The following ASF1A variants were observed in gnomAD, a reference collection of about 807,000 sequenced individuals.
ASF1A encodes the protein histone chaperone ASF1A.
In ASF1A, 5 loss-of-function variants were observed where a neutral mutation model predicts 22.0. That is an observed-to-expected ratio of 0.23 (90% CI 0.12 to 0.48). The LOEUF (loss-of-function observed/expected upper bound fraction) is 0.48. ASF1A is among the 20% of genes least tolerant of loss of function. The pLI, the probability that ASF1A is intolerant of heterozygous loss-of-function variation, is 0.99. For missense variants in ASF1A, 137 were observed against 240.6 expected, an observed-to-expected ratio of 0.57 and a Z score of 2.85; for synonymous variants, 97 against 86.7, an observed-to-expected ratio of 1.12 and a Z score of -0.66.
rs1423145454 is a variant in ASF1A, at chr6:118,908,268, G to A, written c.*654G>A. 6.6e-6 allele frequency: 1 copy of A among 152,028 alleles called. No homozygotes were observed. The highest frequency in any genetic ancestry group is 1.5e-5 in the Non-Finnish European group (1 of 67,958). The allele number at this position is 152,028 out of a possible 1,614,324, so 9.4% of individuals were successfully genotyped here. A position where few individuals can be genotyped will look rare whatever the true frequency, so the allele number is the denominator to read the frequency against. On this transcript the variant is annotated 3_prime_UTR_variant, in exon 4 of 4. Coordinates refer to ENST00000229595, the MANE Select transcript of ASF1A (RefSeq NM_014034.3). The stretch of plus-strand genomic sequence containing the variant: ...ATAAGGTCCCCTGGCTATGGTTTTT[G>A]TTCTTATAACAGAGTTTAGAATATC...
intron 1 of ASF1A, among the ~76,000 whole-genome samples, chr6:118,895,089 C>T (rs1583576687): frequency 6.6e-6 from 1 of 152,162 alleles, no homozygotes; most frequent in South Asian, 2.1e-4. Context: ...ACTCTCCGGG[C>T]TGGCCATGCC....
Position 118,907,443 on chromosome 6 carries a change from A to G in ASF1A, c.444A>G (p.Arg148=), listed in dbSNP as rs776191240. ...NILASNPRVT[R]FHINWEDNTE... is the part of the protein sequence containing the mutation. Reference sequence around the variant, plus strand: ...TGGCATCTAATCCCAGGGTCACAAGATTCCACATTAATTGGGAAGATAACA... The same window carrying G: ...TGGCATCTAATCCCAGGGTCACAAGGTTCCACATTAATTGGGAAGATAACA... The change falls in exon 4 of 4, where the codon AGA becomes AGG. Residue 148 remains arginine (R), a synonymous_variant. Coordinates refer to ENST00000229595, the MANE Select transcript of ASF1A (RefSeq NM_014034.3). The G allele has an allele frequency of 5.6e-6, 9 of 1,611,334 alleles. No homozygotes were observed. In the East Asian group the frequency reaches 6.7e-5, roughly 12 times the overall value.
At chr6:118,902,530 T>C (rs1779873379) in intron 2 of ASF1A, among the ~76,000 whole-genome samples, 1 of 143,330 alleles carries the variant, frequency 7.0e-6, no homozygotes, top group Non-Finnish European at 1.5e-5. Context: ...TGATAATACT[T>C]TTTTTTTTTT....
chr6:118,898,773 C>G (rs75661965), intron 1 of ASF1A, among the ~76,000 whole-genome samples: 8,718 of 152,250 alleles, frequency 0.057, 361 homozygotes, highest in East Asian at 0.19. Flanking sequence ...GTACCTTTCA[C>G]ATCACTTTCT....
At chr6:118,897,805 G>A (rs762651761) in intron 1 of ASF1A, among the ~76,000 whole-genome samples, 1 of 151,664 alleles carries the variant, frequency 6.6e-6, no homozygotes, top group South Asian at 2.1e-4. Context: ...AGGGGGCAGA[G>A]GAATTAAATG....
In ASF1A at chr6:118,894,341, C is replaced by A; in HGVS notation, c.-73C>A. The A allele has an allele frequency of 2.0e-6, 3 of 1,531,040 alleles. No individual in the cohort carries two copies. The highest frequency in any genetic ancestry group is 2.6e-6 in the Non-Finnish European group (3 of 1,142,466). The allele number at this position is 1,531,040 out of a possible 1,614,324, so 94.8% of individuals were successfully genotyped here. On this transcript the variant is annotated 5_prime_UTR_variant, in exon 1 of 4. Transcript: ENST00000229595. ...GCTGGAGCGGGGGTCTGCGCTCTCC[C>A]GAGCGGCCGCGCGCTGGACTTTATT...
chr6:118,895,375 A>G (rs1341938916), intron 1 of ASF1A, among the ~76,000 whole-genome samples: 1 of 152,202 alleles, frequency 6.6e-6, no homozygotes, highest in Non-Finnish European at 1.5e-5. Flanking sequence ...TGAGGTAGGA[A>G]GTTACATTTA....
At chr6:118,902,499 G>A (rs941202794) in intron 2 of ASF1A, among the ~76,000 whole-genome samples, 5 of 147,226 alleles carry the variant, frequency 3.4e-5, no homozygotes, top group African/African-American at 1.2e-4. Flanking sequence ...TACAGTAAAA[G>A]AAACCTGGGT....
Position 118,907,253 on chromosome 6 carries a change from A to G in ASF1A, c.403-149A>G, listed in dbSNP as rs558504247. 1.0e-4 allele frequency: 61 copies of G among 606,936 alleles called. No individual in the cohort carries two copies. In the African/African-American group the frequency reaches 1.1e-3, roughly 11 times the overall value. 37.6% of individuals were successfully genotyped at this position (606,936 alleles called of 1,614,324 possible). On this transcript the variant is annotated intron_variant, in intron 3 of 3. Coordinates refer to ENST00000229595, the MANE Select transcript of ASF1A (RefSeq NM_014034.3). ...CTAGTCGTTACATCTTATTAGTTATATTTAAGGTACTTAACTTGAATTATA... is the reference window on the plus strand; with the variant it reads ...CTAGTCGTTACATCTTATTAGTTATGTTTAAGGTACTTAACTTGAATTATA...
chr6:118,894,395 T>C lies in ASF1A; in HGVS notation c.-19T>C. The C allele has an allele frequency of 1.3e-6, 2 of 1,536,502 alleles. No homozygotes were observed. Among genetic ancestry groups the C allele is most frequent in the Non-Finnish European group, 1.7e-6 (2 of 1,146,532 alleles). On this transcript the variant is annotated 5_prime_UTR_variant, in exon 1 of 4. Transcript: ENST00000229595. ...CCGCAACCAGCCCCAGTTCCCATTG[T>C]TTGTGTTTTTTTCAAAATATGGCAA... is the stretch of plus-strand genomic sequence containing the variant.
chr6:118,902,935 A>G (rs530632123), intron 2 of ASF1A, among the ~76,000 whole-genome samples: 162 of 152,358 alleles, frequency 1.1e-3, no homozygotes, highest in African/African-American at 3.6e-3. Context: ...TAGCAGGAAG[A>G]TGTCCAGACA....
Position 118,894,204 on chromosome 6 carries a change from T to C in ASF1A, c.-210T>C. ...AACGCTGCTACTTATCAGAGCAGAA[T>C]GGGCTGTAGTTTAGTGAAATAGGAA... On this transcript the variant is annotated 5_prime_UTR_variant, in exon 1 of 4. An upstream start codon of the reference 5' UTR is lost. Coordinates refer to ENST00000229595, the MANE Select transcript of ASF1A (RefSeq NM_014034.3). The C allele has an allele frequency of 7.2e-7, 1 of 1,383,040 alleles. No individual in the cohort carries two copies. The highest frequency in any genetic ancestry group is 9.3e-7 in the Non-Finnish European group (1 of 1,070,158). 85.7% of individuals were successfully genotyped at this position (1,383,040 alleles called of 1,614,324 possible). A position where few individuals can be genotyped will look rare whatever the true frequency, so the allele number is the denominator to read the frequency against.
chr6:118,905,552 C>G, intron 2 of ASF1A, 100 bp from the exon 3 acceptor site: 1 of 850,038 alleles, frequency 1.2e-6, no homozygotes, highest in Non-Finnish European at 1.7e-6. Flanking sequence ...TTTCTTGTTG[C>G]ATCCTCAACT....
At chr6:118,903,334 C>T (rs1352314950) in intron 2 of ASF1A, among the ~76,000 whole-genome samples, 1 of 152,156 alleles carries the variant, frequency 6.6e-6, no homozygotes, top group Non-Finnish European at 1.5e-5. Context: ...CAGGACAAGG[C>T]TGGCTGTCCC....
intron 3 of ASF1A, among the ~76,000 whole-genome samples, chr6:118,906,392 AG>A (rs1245296774): frequency 3.3e-5 from 5 of 152,170 alleles, no homozygotes; most frequent in African/African-American, 1.2e-4. Context: ...CTTGTAAGAC[AG>A]GCCTTTGTTT....
chr6:118,896,342 C>T (rs535418261), intron 1 of ASF1A, among the ~76,000 whole-genome samples: 1 of 152,196 alleles, frequency 6.6e-6, no homozygotes, highest in Non-Finnish European at 1.5e-5. Context: ...TTATACCACA[C>T]TGTTTTTCAG....
chr6:118,899,805 A>G (rs190225770), intron 1 of ASF1A, among the ~76,000 whole-genome samples: 77 of 152,382 alleles, frequency 5.1e-4, no homozygotes, highest in African/African-American at 1.9e-3. Context: ...TGAGTGACCC[A>G]GAAACTCACC....
chr6:118,894,656 G>C, intron 1 of ASF1A, 134 bp downstream of exon 1: 1 of 757,664 alleles, frequency 1.3e-6, no homozygotes, highest in Non-Finnish European at 2.1e-6. Context: ...AGGGAAACTT[G>C]AAGTTGATGG....
intron 2 of ASF1A, among the ~76,000 whole-genome samples, chr6:118,904,403 G>T (rs773502527): frequency 2.0e-5 from 3 of 152,146 alleles, no homozygotes; most frequent in Non-Finnish European, 4.4e-5. Flanking sequence ...GCTCATCTAG[G>T]CCCAGGAATA....
Sources: allele counts gnomAD v4.1 joint callset (sites outside exome capture counted in the v4.1 genomes callset), GRCh38; gene constraint gnomAD v4.1.1; transcripts MANE v1.5; gene names NCBI Gene and HGNC (gene_info 2026-07-23, HGNC 2026-07-21).